Variants in HS3ST2 observed in about 807,000 individuals in gnomAD.
The protein encoded by HS3ST2 is heparan sulfate-glucosamine 3-sulfotransferase 2.
In HS3ST2, 17 loss-of-function variants were observed where a neutral mutation model predicts 26.3. That is an observed-to-expected ratio of 0.65 (90% CI 0.44 to 0.97). The LOEUF (loss-of-function observed/expected upper bound fraction) is 0.97, where lower values mean the gene tolerates loss of function less well. Among genes scored for constraint, HS3ST2 ranks in the 50% least tolerant of loss-of-function variants. The pLI is 0.00. For missense variants in HS3ST2, 402 were observed against 501.2 expected (o/e 0.80, Z 1.89); for synonymous variants, 237 against 219.2 (o/e 1.08, Z -0.72).
intron 1 of HS3ST2, among the ~76,000 whole-genome samples, chr16:22,878,933 G>GGA (rs1690631950): frequency 2.0e-5 from 3 of 152,348 alleles, no homozygotes; most frequent in African/African-American, 7.2e-5. Context: ...CGAGATGGCT[G>GGA]GAGATGAAGT....
chr16:22,874,507 C>A (rs1351214768), intron 1 of HS3ST2, among the ~76,000 whole-genome samples: 3 of 152,210 alleles, frequency 2.0e-5, no homozygotes, highest in African/African-American at 7.2e-5. Context: ...GTCTCCCAAT[C>A]CATGCTTCCA....
intron 1 of HS3ST2, among the ~76,000 whole-genome samples, chr16:22,836,555 C>T (rs1256411574): frequency 6.6e-6 from 1 of 152,056 alleles, no homozygotes; most frequent in Non-Finnish European, 1.5e-5. Context: ...TCTTTAGTTG[C>T]ATGTTTTTAT....
intron 1 of HS3ST2, among the ~76,000 whole-genome samples, chr16:22,906,122 C>T (rs981007105): frequency 1.3e-5 from 2 of 152,092 alleles, no homozygotes; most frequent in Non-Finnish European, 2.9e-5. Context: ...CCTGTAATCC[C>T]AGCACTTTGG....
intron 1 of HS3ST2, among the ~76,000 whole-genome samples, chr16:22,906,370 A>AATAAATAAATAAATAAATAG (rs1902352871): frequency 6.6e-6 from 1 of 151,016 alleles, no homozygotes; most frequent in South Asian, 2.1e-4. Context: ...ACTCCATCTA[A>AATAAATAAATAAATAAATAG]ATAAATAAAT....
At chr16:22,874,847 G>A (rs191545573) in intron 1 of HS3ST2, among the ~76,000 whole-genome samples, 18 of 152,328 alleles carry the variant, frequency 1.2e-4, no homozygotes, top group Non-Finnish European at 2.4e-4. Flanking sequence ...CCAGAGCTGA[G>A]TTGATAAAGT....
At chr16:22,833,423 C>A in intron 1 of HS3ST2, 1 of 428,008 alleles carries the variant, frequency 2.3e-6, no homozygotes, top group South Asian at 1.7e-5. Flanking sequence ...CCCAGGAGCA[C>A]GTATAGCTGG....
At chr16:22,831,334 G>A (rs1489104114) in intron 1 of HS3ST2, among the ~76,000 whole-genome samples, 1 of 152,108 alleles carries the variant, frequency 6.6e-6, no homozygotes, top group Non-Finnish European at 1.5e-5. Context: ...GGTTGTCATT[G>A]TCTATCAATA....
At chr16:22,860,203 G>C (rs1901655422) in intron 1 of HS3ST2, among the ~76,000 whole-genome samples, 1 of 152,084 alleles carries the variant, frequency 6.6e-6, no homozygotes, top group African/African-American at 2.4e-5. Flanking sequence ...CACATGGCTG[G>C]GGAGGCCTCA....
At chr16:22,827,085 G>A (rs938193747) in intron 1 of HS3ST2, among the ~76,000 whole-genome samples, 2 of 152,130 alleles carry the variant, frequency 1.3e-5, no homozygotes, top group South Asian at 2.1e-4. Flanking sequence ...CAATATTTGA[G>A]TGATGATCTG....
At chr16:22,855,231 G>A (rs184930797) in intron 1 of HS3ST2, among the ~76,000 whole-genome samples, 1 of 152,072 alleles carries the variant, frequency 6.6e-6, no homozygotes, top group East Asian at 1.9e-4. Flanking sequence ...TTTGGGTCTG[G>A]CATGTCCTCC....
intron 1 of HS3ST2, among the ~76,000 whole-genome samples, chr16:22,912,647 A>G (rs147175359): frequency 9.5e-4 from 145 of 152,294 alleles, no homozygotes; most frequent in Non-Finnish European, 1.5e-3. Flanking sequence ...TAGGCAGTGT[A>G]TCCAGTGTAG....
chr16:22,871,709 T>A (rs1005824327), intron 1 of HS3ST2, among the ~76,000 whole-genome samples: 1 of 152,188 alleles, frequency 6.6e-6, no homozygotes, highest in Non-Finnish European at 1.5e-5. Context: ...AAATATTTGA[T>A]GAATGAATAA....
chr16:22,859,361 A>G (rs2141188540), intron 1 of HS3ST2, among the ~76,000 whole-genome samples: 1 of 152,322 alleles, frequency 6.6e-6, no homozygotes. Context: ...ATAATTTTTA[A>G]CACAAAGGGG....
intron 1 of HS3ST2, among the ~76,000 whole-genome samples, chr16:22,854,438 T>C (rs922487043): frequency 6.6e-6 from 1 of 152,158 alleles, no homozygotes; most frequent in Non-Finnish European, 1.5e-5. Context: ...TTCCCTCATA[T>C]TGAATATTAC....
intron 1 of HS3ST2, among the ~76,000 whole-genome samples, chr16:22,903,450 G>A (rs1902306853): frequency 6.6e-6 from 1 of 152,192 alleles, no homozygotes. Flanking sequence ...TTTATGGTTA[G>A]CAAGTGACAA....
intron 1 of HS3ST2, among the ~76,000 whole-genome samples, chr16:22,884,662 ATATATATATATATATT>A (rs1902035754): frequency 7.4e-6 from 1 of 135,498 alleles, no homozygotes; most frequent in Non-Finnish European, 1.6e-5. Flanking sequence ...AGAAAAAAAT[ATATATATATATATATT>A]ATATATATAT....
chr16:22,890,292 G>C (rs1230607018), intron 1 of HS3ST2, among the ~76,000 whole-genome samples: 1 of 140,524 alleles, frequency 7.1e-6, no homozygotes, highest in African/African-American at 2.4e-5. Context: ...TCTTTTTAAA[G>C]GAGCATTGCT....
intron 1 of HS3ST2, among the ~76,000 whole-genome samples, chr16:22,894,424 C>T (rs1902176979): frequency 6.6e-6 from 1 of 152,178 alleles, no homozygotes; most frequent in African/African-American, 2.4e-5. Flanking sequence ...AGACCTCTAA[C>T]ATTGATTGTG....
At chr16:22,855,549 T>G (rs1901579355) in intron 1 of HS3ST2, among the ~76,000 whole-genome samples, 1 of 152,200 alleles carries the variant, frequency 6.6e-6, no homozygotes. Flanking sequence ...TCTAAACATC[T>G]GGAAGGCTCT....
Sources: gnomAD v4.1 joint callset for allele counts (sites outside exome capture counted in the v4.1 genomes callset) on GRCh38, gnomAD v4.1.1 for gene constraint, MANE v1.5 for transcripts, NCBI Gene and HGNC (gene_info 2026-07-23, HGNC 2026-07-21) for gene names.